NUP160: variants seen among roughly 807,000 people sequenced by gnomAD.
The protein encoded by NUP160 is nucleoporin 160.
A neutral mutation model predicts 196.9 loss-of-function variants in NUP160; 94 were observed. That is an observed-to-expected ratio of 0.48 (90% CI 0.40 to 0.57). The LOEUF (loss-of-function observed/expected upper bound fraction) is 0.57, where lower values mean the gene tolerates loss of function less well. NUP160 is among the 20% of genes least tolerant of loss of function. The pLI is 0.00. For missense variants in NUP160, 1,638 were observed against 1,748.3 expected (o/e 0.94, Z 1.13); for synonymous variants, 605 against 619.7 (o/e 0.98, Z 0.35).
chr11:47,807,093 C>G, exon 19 of NUP160: 1 of 1,611,738 alleles, frequency 6.2e-7, no homozygotes, highest in South Asian at 1.1e-5. Flanking sequence ...CATTAAAGCA[C>G]CAGAGTCTGT....
At chr11:47,825,756 G>C (rs1851954260) in intron 7 of NUP160, among the ~76,000 whole-genome samples, 1 of 151,818 alleles carries the variant, frequency 6.6e-6, no homozygotes, top group Admixed American at 6.6e-5. Flanking sequence ...CCTAATTTTT[G>C]TATTTTTAGT....
chr11:47,798,129 T>A (rs189378508), intron 25 of NUP160, 39 bp downstream of exon 25: 5 of 1,551,822 alleles, frequency 3.2e-6, no homozygotes, highest in Non-Finnish European at 4.4e-6. Context: ...TTAAACAGAG[T>A]TGGTAAATTG....
At chr11:47,786,653 A>G (rs2097664707) in intron 31 of NUP160, 99 bp from the exon 32 acceptor site, 1 of 733,518 alleles carries the variant, frequency 1.4e-6, no homozygotes, top group South Asian at 1.6e-5. Flanking sequence ...CTTCATCTCT[A>G]GTCTTTTGCT....
chr11:47,782,336 A>T (rs2097661859), intron 34 of NUP160, among the ~76,000 whole-genome samples: 1 of 72,788 alleles, frequency 1.4e-5, no homozygotes, highest in Non-Finnish European at 2.9e-5. Context: ...ATATATATAT[A>T]TATATATATA....
rs192475612 is a variant in NUP160, at chr11:47,782,771, G to A, written c.4116+302C>T. ...CCTCCCAGGTTCAAGCGATTCTCCTGCCTCAGCCTCCTGAGTAGCTGGGAT... is the reference window on the plus strand; with the variant it reads ...CCTCCCAGGTTCAAGCGATTCTCCTACCTCAGCCTCCTGAGTAGCTGGGAT... On this transcript the variant is annotated intron_variant, in intron 34 of 35. Transcript: ENST00000378460. 4.1e-3 allele frequency among the ~76,000 whole-genome samples: 628 copies of A among 152,160 alleles called. 1 individual carries two copies. The highest frequency in any genetic ancestry group is 0.015 in the African/African-American group (613 of 41,514).
chr11:47,835,615 C>T lies in NUP160; in HGVS notation c.1101+36G>A, dbSNP rs553868001. On this transcript the variant is annotated intron_variant, in intron 7 of 35. Coordinates refer to ENST00000378460, the Ensembl canonical transcript of NUP160. ...AGCCATTTCTCCACATCAGTACACA[C>T]AGAATAACTTGGTATGTGTCTTATT... 4.6e-6 allele frequency: 7 copies of T among 1,509,398 alleles called. No homozygotes were observed. The East Asian group carries it at 1.2e-4, about 26-fold the overall frequency. The allele number at this position is 1,509,398 out of a possible 1,614,324, so 93.5% of individuals were successfully genotyped here. A position where few individuals can be genotyped will look rare whatever the true frequency, so the allele number is the denominator to read the frequency against.
At chr11:47,839,860 G>C (rs748516837) in exon 4 of NUP160, 58 of 1,613,362 alleles carry the variant, frequency 3.6e-5, no homozygotes, top group Non-Finnish European at 4.7e-5. Flanking sequence ...GTCATAAGGA[G>C]GTAGCTTAAG....
At chr11:47,794,334 A>G (rs1192332806) in intron 27 of NUP160, among the ~76,000 whole-genome samples, 6 of 152,202 alleles carry the variant, frequency 3.9e-5, no homozygotes, top group Non-Finnish European at 5.9e-5. Flanking sequence ...TCTACTAAAA[A>G]TACAAAAAAA....
intron 30 of NUP160, 43 bp downstream of exon 30, chr11:47,788,458 G>A (rs981080871): frequency 1.5e-5 from 24 of 1,565,930 alleles, no homozygotes; most frequent in Admixed American, 5.1e-5. Context: ...AAATGTGCTC[G>A]TGGTGCTGAC....
chr11:47,809,617 G>A (rs1421582529), intron 17 of NUP160, among the ~76,000 whole-genome samples: 1 of 151,406 alleles, frequency 6.6e-6, no homozygotes, highest in Non-Finnish European at 1.5e-5. Context: ...GTGTAGTGGT[G>A]CGCATCTGTA....
At chr11:47,838,491 T>A (rs1852224711) in intron 4 of NUP160, among the ~76,000 whole-genome samples, 1 of 151,918 alleles carries the variant, frequency 6.6e-6, no homozygotes, top group Non-Finnish European at 1.5e-5. Flanking sequence ...GCGGATCACT[T>A]GAGGTCAGGA....
chr11:47,802,288 G>A (rs556145364), intron 22 of NUP160, among the ~76,000 whole-genome samples: 102 of 152,030 alleles, frequency 6.7e-4, no homozygotes, highest in African/African-American at 2.4e-3. Flanking sequence ...AAAATTAGCC[G>A]GGCGTGGTGG....
At chr11:47,816,703 G>C (rs2097684658) in intron 11 of NUP160, among the ~76,000 whole-genome samples, 1 of 152,028 alleles carries the variant, frequency 6.6e-6, no homozygotes, top group Non-Finnish European at 1.5e-5. Context: ...TTGAACCCAG[G>C]AGGCAGAGGT....
Position 47,822,071 on chromosome 11 carries a change from G to T in NUP160, c.1179+16C>A. On this transcript the variant is annotated intron_variant, in intron 8 of 35. Transcript: ENST00000378460. ...TTCTTGTACTTATGTGATATGCAAA[G>T]GATGAATCAACCTACCTGAGAAGTG... 2 of 1,546,608 alleles carry T rather than the reference G, an allele frequency of 1.3e-6. No individual in the cohort carries two copies. Among genetic ancestry groups the T allele is most frequent in the South Asian group, 1.1e-5 (1 of 88,260 alleles).
intron 7 of NUP160, among the ~76,000 whole-genome samples, chr11:47,829,367 G>A (rs1242815989): frequency 6.6e-6 from 1 of 152,116 alleles, no homozygotes; most frequent in African/African-American, 2.4e-5. Context: ...GCTGGATGGT[G>A]CGATCCCGGC....
exon 36 of NUP160, chr11:47,778,434 G>T (rs576894820): frequency 3.9e-5 from 6 of 152,562 alleles, no homozygotes; most frequent in African/African-American, 1.2e-4. Context: ...TTTACTCTGA[G>T]AATCTGTTGC....
chr11:47,801,717 T>C, intron 23 of NUP160, 94 bp downstream of exon 23: 1 of 1,207,802 alleles, frequency 8.3e-7, no homozygotes, highest in Non-Finnish European at 1.2e-6. Context: ...GCAACTGAAT[T>C]TTTATAGTAT....
chr11:47,832,511 A>T (rs1328885569), intron 7 of NUP160, among the ~76,000 whole-genome samples: 1 of 152,194 alleles, frequency 6.6e-6, no homozygotes, highest in Admixed American at 6.5e-5. Flanking sequence ...TCAGTTTTTT[A>T]CATTTCTGGC....
rs370630379 is a variant in NUP160 at position 47,808,540 on chromosome 11, T to C, written c.2242-11A>G. 80 of 1,609,798 alleles carry C rather than the reference T, an allele frequency of 5.0e-5. No individual in the cohort carries two copies. The highest frequency in any genetic ancestry group is 2.4e-4 in the African/African-American group (18 of 74,852). On this transcript the variant is annotated splice_polypyrimidine_tract_variant and intron_variant, in intron 17 of 35. Coordinates refer to ENST00000378460, the Ensembl canonical transcript of NUP160. The stretch of plus-strand genomic sequence containing the variant: ...AGTTCCCCAAATCACCTATACATTA[T>C]GGGTAGGTGGACCAGACAAGAAATT...
Sources: gnomAD v4.1 joint callset for allele counts (sites outside exome capture counted in the v4.1 genomes callset) on GRCh38, gnomAD v4.1.1 for gene constraint, MANE v1.5 for transcripts, NCBI Gene and HGNC (gene_info 2026-07-23, HGNC 2026-07-21) for gene names.